Variants in STAB1 observed in about 807,000 individuals in gnomAD.
STAB1 encodes stabilin-1.
Under a neutral mutation model 332.4 loss-of-function variants are expected in STAB1, and 250 were observed. The observed-to-expected ratio is 0.75, with a 90% CI of 0.68 to 0.84. The LOEUF is 0.84. Ranked by LOEUF, STAB1 falls within the 40% of genes least tolerant of loss-of-function variation. The probability of loss-of-function intolerance (pLI) is 0.00; values close to 1 mark genes in which losing one functional copy is unlikely to be tolerated. For synonymous variants in STAB1, 1,475 were observed against 1,390.4 expected (o/e 1.06, Z -1.35); for missense variants, 3,249 against 3,489.7 (o/e 0.93, Z 1.74).
chr3:52,516,288 C>G, intron 38 of STAB1, 50 bp downstream of exon 38: 1 of 1,607,606 alleles, frequency 6.2e-7, no homozygotes, highest in South Asian at 1.1e-5. Flanking sequence ...CAGAGAGCAG[C>G]CTGGAGACCC....
In STAB1 at chr3:52,520,216, G is replaced by C. The variant is rs753988681; in HGVS notation, c.5425G>C (p.Asp1809His). ...TCCACTTGCTCAGGCCTTGGCATCT[G>C]ACCTGCCCAACCTGGGCCCACTTCG... is the stretch of plus-strand genomic sequence containing the variant. ...MIRNVEALAS[D>H]LPNLGPLRTM... The change falls in exon 52 of 69, where the codon GAC becomes CAC. Residue 1809 changes from aspartate to histidine, a missense_variant. By Grantham distance (81) the Asp-to-His change is moderately conservative. Transcript: ENST00000321725. 3 of 1,613,126 alleles carry C rather than the reference G, an allele frequency of 1.9e-6. No homozygotes were observed. Among genetic ancestry groups the C allele is most frequent in the African/African-American group, 2.7e-5 (2 of 75,056 alleles).
chr3:52,502,058 T>G lies in STAB1; in HGVS notation c.384T>G (p.Asp128Glu). The G allele has an allele frequency of 1.9e-6, 3 of 1,613,472 alleles. No homozygotes were observed. Among genetic ancestry groups the G allele is most frequent in the Non-Finnish European group, 2.5e-6 (3 of 1,179,980 alleles). Reference sequence around the variant, plus strand: ...GCAATGGCCACGGGACCTGCTTGGATGGCATGGACAGGAATGGGACCTGTG... The same window carrying G: ...GCAATGGCCACGGGACCTGCTTGGAGGGCATGGACAGGAATGGGACCTGTG... ...TPCNGHGTCL[D>E]GMDRNGTCVC... The change falls in exon 4 of 69, where the codon GAT becomes GAG. Residue 128 changes from aspartate to glutamate, a missense_variant. By Grantham distance (45) the Asp-to-Glu change is conservative. Coordinates refer to ENST00000321725, the MANE Select transcript of STAB1 (RefSeq NM_015136.3).
Position 52,519,576 on chromosome 3 carries a change from G to T in STAB1, c.5235+12G>T. On this transcript the variant is annotated intron_variant, in intron 50 of 68. Coordinates refer to ENST00000321725, the MANE Select transcript of STAB1 (RefSeq NM_015136.3). ...GCGGCCTCCTGAAGGTACTGCTCCC[G>T]TGTGGGCCTGTCATTGTGGACACAC... The T allele has an allele frequency of 6.2e-7, 1 of 1,612,232 alleles. No homozygotes were observed. Among genetic ancestry groups the T allele is most frequent in the Non-Finnish European group, 8.5e-7 (1 of 1,179,438 alleles).
rs763192280 is a variant in STAB1, at chr3:52,522,394, C to T, written c.6530C>T (p.Ser2177Leu). ...VGDGLQCLEESEPPVDRCLGQ... is the reference protein window; with the variant it reads ...VGDGLQCLEELEPPVDRCLGQ... ...GATGGACTGCAGTGTCTGGAGGAGT[C>T]GGAACCACCTGTGGACCGCTGCTTG... Residue 2177 changes from serine (S) to leucine (L), a missense_variant, in exon 60 of 69, where the codon TCG (serine) becomes TTG (leucine). Ser to Leu is a moderately radical substitution (Grantham distance 145). Transcript: ENST00000321725. The T allele has an allele frequency of 2.5e-5, 40 of 1,612,848 alleles. No homozygotes were observed. The highest frequency in any genetic ancestry group is 6.7e-5 in the Admixed American group (4 of 60,002).
In STAB1 at chr3:52,503,099, T is replaced by C; in HGVS notation, c.684T>C (p.Ser228=). 2 of 1,590,896 alleles carry C rather than the reference T, an allele frequency of 1.3e-6. No individual in the cohort carries two copies. The highest frequency in any genetic ancestry group is 2.3e-5 in the East Asian group (1 of 43,814). Residue 228 remains serine, a synonymous_variant, in exon 7 of 69, where the codon AGT becomes AGC. Coordinates refer to ENST00000321725, the MANE Select transcript of STAB1 (RefSeq NM_015136.3). ...TGCCCGGCTACACACAGCAGGGCAG[T>C]GAATGCCGAGGTGAGCCTGGACTCA... ...RCLPGYTQQG[S]ECRAPNPCWP... is the part of the protein sequence containing the mutation.
chr3:52,517,400 A>G lies in STAB1; in HGVS notation c.4563+7A>G. ...CCCCACTGGCCCCCAGCAGGTCAGCATGGCAGGGTTGGACATGGGGCATCA... is the reference window on the plus strand; with the variant it reads ...CCCCACTGGCCCCCAGCAGGTCAGCGTGGCAGGGTTGGACATGGGGCATCA... On this transcript the variant is annotated splice_region_variant and intron_variant, in intron 43 of 68. Transcript: ENST00000321725. The G allele has an allele frequency of 6.3e-7, 1 of 1,595,580 alleles. No individual in the cohort carries two copies. The highest frequency in any genetic ancestry group is 1.7e-4 in the Middle Eastern group (1 of 5,900).
intron 37 of STAB1, 63 bp downstream of exon 37, chr3:52,515,569 C>T (rs2078836085): frequency 1.2e-5 from 19 of 1,561,028 alleles, no homozygotes; most frequent in Non-Finnish European, 1.5e-5. Flanking sequence ...TGGGTGGGGG[C>T]CCAGGGAGGA....
Position 52,524,461 on chromosome 3 carries a change from A to G in STAB1, c.*105A>G. 6.2e-7 allele frequency: 1 copy of G among 1,612,692 alleles called. No homozygotes were observed. The highest frequency in any genetic ancestry group is 8.5e-7 in the Non-Finnish European group (1 of 1,179,904). On this transcript the variant is annotated 3_prime_UTR_variant, in exon 69 of 69. Transcript: ENST00000321725. ...GGCTGAGGGCCTGTCCCAGACAATA[A>G]AGGTGCCCTCAGCGGATGTGGGCCA...
rs779547243 is a variant in STAB1 at position 52,522,188 on chromosome 3, C to T, written c.6423C>T (p.Arg2141=). ...GCAACCCCTGCACAGATGGCCACCG[C>T]GGGGGCTGCAGCGAGCACGCCAACT... ...RARNPCTDGH[R]GGCSEHANCL... is the part of the protein sequence containing the mutation. Residue 2141 remains arginine, a synonymous_variant, in exon 59 of 69, where the codon CGC becomes CGT. Transcript: ENST00000321725. The T allele has an allele frequency of 1.9e-5, 31 of 1,612,602 alleles. No individual in the cohort carries two copies. In the East Asian group the frequency reaches 2.5e-4, roughly 13 times the overall value.
chr3:52,499,898 CAAAAAAA>C (rs4045133), intron 1 of STAB1, among the ~76,000 whole-genome samples: 1 of 37,076 alleles, frequency 2.7e-5, no homozygotes, highest in South Asian at 2.4e-3. Flanking sequence ...GACTCCATCT[CAAAAAAA>C]AAAAAAAAAA....
At chr3:52,504,281 G>A in intron 10 of STAB1, 126 bp downstream of exon 10, 2 of 1,475,986 alleles carry the variant, frequency 1.4e-6, no homozygotes, top group East Asian at 2.5e-5. Context: ...ACAGGTGGCT[G>A]TGGGGGGTGC....
rs74491782 is a variant in STAB1 at position 52,514,120 on chromosome 3, T to C, written c.3453T>C (p.His1151=). Residue 1151 remains histidine, a synonymous_variant, in exon 33 of 69, where the codon CAT becomes CAC. Coordinates refer to ENST00000321725, the MANE Select transcript of STAB1 (RefSeq NM_015136.3). ...GACCTCCACCCCATCCCTAGCACCA[T>C]GGGTTGGTGCCCCAGATTGAGGCTG... The part of the protein sequence containing the change: ...FSLFRELLQH[H]GLVPQIEAAT... 0.013 allele frequency: 21,065 copies of C among 1,613,196 alleles called. 723 individuals are homozygous for C. Among genetic ancestry groups the C allele is most frequent in the African/African-American group, 0.12 (9,241 of 74,992 alleles).
rs760512263 is a variant in STAB1, at chr3:52,510,136, C to A, written c.2535-6C>A. ...CACTGGAGCCCCCTCCTTCACCCAC[C>A]CCCAGATGTCGCTGTCTTGATGGCT... On this transcript the variant is annotated splice_polypyrimidine_tract_variant and splice_region_variant and intron_variant, in intron 23 of 68. Coordinates refer to ENST00000321725, the MANE Select transcript of STAB1 (RefSeq NM_015136.3). 1.2e-6 allele frequency: 2 copies of A among 1,613,966 alleles called. No homozygotes were observed. The highest frequency in any genetic ancestry group is 2.2e-5 in the South Asian group (2 of 91,088).
Position 52,517,975 on chromosome 3 carries a change from G to C in STAB1, c.4733G>C (p.Gly1578Ala). ...GACACAGCCCACACCGTGGGGGACG[G>C]CCTCACCTGCCGTGCCCGAGTCGGC... ...TCDTAHTVGD[G>A]LTCRARVGLE... Residue 1578 changes from glycine (G) to alanine (A), a missense_variant, in exon 45 of 69, where the codon GGC becomes GCC. Physicochemically the swap from Gly to Ala is moderately conservative, Grantham distance 60. Transcript: ENST00000321725. 4 of 1,606,886 alleles carry C rather than the reference G, an allele frequency of 2.5e-6. No individual in the cohort carries two copies. Among genetic ancestry groups the C allele is most frequent in the Non-Finnish European group, 3.4e-6 (4 of 1,178,238 alleles).
chr3:52,513,832 G>A (rs773879968), intron 31 of STAB1, 38 bp downstream of exon 31: 5 of 1,613,078 alleles, frequency 3.1e-6, no homozygotes, highest in South Asian at 2.2e-5. Flanking sequence ...GAAACTTGCA[G>A]GCAGGCCGTG....
In STAB1 at chr3:52,524,159, G is replaced by C; in HGVS notation, c.7602G>C (p.Leu2534=). 4 of 1,614,068 alleles carry C rather than the reference G, an allele frequency of 2.5e-6. No individual in the cohort carries two copies. The South Asian group carries it at 4.4e-5, about 18-fold the overall frequency. Residue 2534 remains leucine, a synonymous_variant, in exon 68 of 69, where the codon CTG becomes CTC. Coordinates refer to ENST00000321725, the MANE Select transcript of STAB1 (RefSeq NM_015136.3). ...GGCAAGAAGGGACCAACCCCACCCT[G>C]GTCTCTGTCCCCAACCCTGTCTTTG... The part of the protein sequence containing the change: ...SPWQEGTNPT[L]VSVPNPVFGS...
In STAB1 at chr3:52,516,234, C is replaced by T. The variant is rs140197399; in HGVS notation, c.4140C>T (p.Thr1380=). ...TGGGCCGCTACGGGCCCAACTGCAC[C>T]GGAGGTGAGGACTGGGGAGGGGCGG... The part of the protein sequence containing the change: ...CELGRYGPNC[T]GVCDCAHGLC... Residue 1380 remains threonine (T), a synonymous_variant, in exon 38 of 69, where the codon ACC becomes ACT. Coordinates refer to ENST00000321725, the MANE Select transcript of STAB1 (RefSeq NM_015136.3). The T allele has an allele frequency of 7.1e-5, 76 of 1,063,384 alleles. No individual in the cohort carries two copies. The highest frequency in any genetic ancestry group is 5.8e-4 in the South Asian group (46 of 79,654). The allele number at this position is 1,063,384 out of a possible 1,614,324, so 65.9% of individuals were successfully genotyped here. A position where few individuals can be genotyped will look rare whatever the true frequency, so the allele number is the denominator to read the frequency against.
At chr3:52,500,166 C>T (rs1708339332) in intron 1 of STAB1, among the ~76,000 whole-genome samples, 1 of 152,214 alleles carries the variant, frequency 6.6e-6, no homozygotes, top group African/African-American at 2.4e-5. Flanking sequence ...GCCAGCCCCT[C>T]TCCAGCCTCC....
At chr3:52,513,590 G>T in intron 30 of STAB1, 127 bp from the exon 31 acceptor site, 6 of 962,342 alleles carry the variant, frequency 6.2e-6, no homozygotes, top group Non-Finnish European at 7.8e-6. Flanking sequence ...GCAGAACCCA[G>T]CTTGTGGGCC....
Sources: allele counts gnomAD v4.1 joint callset (sites outside exome capture counted in the v4.1 genomes callset), GRCh38; gene constraint gnomAD v4.1.1; transcripts MANE v1.5; gene names NCBI Gene and HGNC (gene_info 2026-07-23, HGNC 2026-07-21).